Variants in ZNF786 observed in about 807,000 individuals in gnomAD.
The protein encoded by ZNF786 is zinc finger protein 786.
In ZNF786, 56 loss-of-function variants were observed where a neutral mutation model predicts 63.1. That is an observed-to-expected ratio of 0.89 (90% CI 0.72 to 1.11). ZNF786 has a LOEUF of 1.11. Among genes scored for constraint, ZNF786 ranks in the 50% least tolerant of loss-of-function variants. ZNF786 has a pLI of 0.00. For missense variants in ZNF786, 1,213 were observed against 1,041.8 expected, an observed-to-expected ratio of 1.16 and a Z score of -2.26; for synonymous variants, 485 against 406.9, an observed-to-expected ratio of 1.19 and a Z score of -2.31.
At chr7:149,072,564 G>T in intron 3 of ZNF786, 91 bp from the exon 4 acceptor site, 1 of 1,415,124 alleles carries the variant, frequency 7.1e-7, no homozygotes. Context: ...AGTGCCTTGT[G>T]GTGGCCTGGG....
chr7:149,074,451 C>T lies in ZNF786; in HGVS notation c.233G>A (p.Gly78Glu). The change falls in exon 3 of 4, where the codon GGA (glycine) becomes GAA (glutamate). Residue 78 changes from glycine to glutamate, a missense_variant. Transcript: ENST00000491431. ...ATCAACAGAGGAGCAAATTATGTTT[C>T]CTGATTTCTGTGATTCTCTCCATTT... ...FRKWRESQKS[G>E]NIICSSVDMH... 6.2e-7 allele frequency: 1 copy of T among 1,613,906 alleles called. No individual in the cohort carries two copies. Among genetic ancestry groups the T allele is most frequent in the Non-Finnish European group, 8.5e-7 (1 of 1,179,872 alleles).
chr7:149,071,163 A>C lies in ZNF786; in HGVS notation c.1609T>G (p.Phe537Val), dbSNP rs1825405664. 1 of 1,612,376 alleles carries C rather than the reference A, an allele frequency of 6.2e-7. No homozygotes were observed. Among genetic ancestry groups the C allele is most frequent in the Non-Finnish European group, 8.5e-7 (1 of 1,179,334 alleles). ...CGCTTGTCGCACTTCAGGCACTGGA[A>C]GGGCCTCTCCCCGCTGTGCACTCTC... ...HLRVHSGERP[F>V]QCLKCDKRFR... is the part of the protein sequence containing the mutation. Residue 537 changes from phenylalanine (F) to valine (V), a missense_variant, in exon 4 of 4, where the codon TTC becomes GTC. Physicochemically the swap from Phe to Val is conservative, Grantham distance 50. Coordinates refer to ENST00000491431, the MANE Select transcript of ZNF786 (RefSeq NM_152411.4).
Position 149,071,465 on chromosome 7 carries a change from T to C in ZNF786, c.1307A>G (p.Lys436Arg). Residue 436 changes from lysine to arginine, a missense_variant, in exon 4 of 4, where the codon AAG becomes AGG. Coordinates refer to ENST00000491431, the MANE Select transcript of ZNF786 (RefSeq NM_152411.4). ...SCRKCGKGFAKQCKLTEHIRV... is the reference protein window; with the variant it reads ...SCRKCGKGFARQCKLTEHIRV... ...AATGTGCTCCGTGAGTTTACACTGC[T>C]TGGCGAAGCCCTTGCCACACTTCCT... is the stretch of plus-strand genomic sequence containing the variant. 1 of 1,605,178 alleles carries C rather than the reference T, an allele frequency of 6.2e-7. No homozygotes were observed. The highest frequency in any genetic ancestry group is 8.5e-7 in the Non-Finnish European group (1 of 1,176,868).
chr7:149,071,707 T>C lies in ZNF786; in HGVS notation c.1065A>G (p.Glu355=), dbSNP rs1256379768. ...RLPQEGNSHQ[E]GDTEALQHGA... is the part of the protein sequence containing the mutation. ...CATGCTGCAGCGCCTCCGTGTCCCC[T>C]TCCTGGTGGCTGTTCCCCTCCTGGG... The change falls in exon 4 of 4, where the codon GAA becomes GAG. Residue 355 remains glutamate, a synonymous_variant. Coordinates refer to ENST00000491431, the MANE Select transcript of ZNF786 (RefSeq NM_152411.4). 1.2e-5 allele frequency: 19 copies of C among 1,578,422 alleles called. No individual in the cohort carries two copies. Among genetic ancestry groups the C allele is most frequent in the Non-Finnish European group, 1.5e-5 (17 of 1,170,086 alleles).
Position 149,070,270 on chromosome 7 carries a change from T to A in ZNF786, c.*153A>T. On this transcript the variant is annotated 3_prime_UTR_variant, in exon 4 of 4. Coordinates refer to ENST00000491431, the MANE Select transcript of ZNF786 (RefSeq NM_152411.4). ...GTGATGCTTCTGAAGAGAAAATCCT[T>A]TGTGGTTCTTCATATTCCTAACTTG... The A allele has an allele frequency of 1.0e-6, 1 of 969,480 alleles. No individual in the cohort carries two copies. Among genetic ancestry groups the A allele is most frequent in the Non-Finnish European group, 1.5e-6 (1 of 654,682 alleles). The allele number at this position is 969,480 out of a possible 1,614,324, so 60.1% of individuals were successfully genotyped here. A position where few individuals can be genotyped will look rare whatever the true frequency, so the allele number is the denominator to read the frequency against.
In ZNF786 at chr7:149,083,507, G is replaced by A. The variant is rs190887701; in HGVS notation, c.19-2790C>T. Among the ~76,000 whole-genome samples, 46 of 152,226 alleles carry A rather than the reference G, an allele frequency of 3.0e-4. No homozygotes were observed. The East Asian group carries it at 4.2e-3, about 14-fold the overall frequency. The stretch of plus-strand genomic sequence containing the variant: ...TAGGATTACAGGCGTGATCCACCGC[G>A]CCCGGCCAAAGTTTATTTTTATTTA... On this transcript the variant is annotated intron_variant, in intron 1 of 3. Transcript: ENST00000491431.
chr7:149,085,952 A>C (rs1434956635), intron 1 of ZNF786, among the ~76,000 whole-genome samples: 3 of 152,148 alleles, frequency 2.0e-5, no homozygotes, highest in African/African-American at 7.2e-5. Context: ...GACTTTGCTG[A>C]AGTTGTTTTA....
At chr7:149,084,553 A>G (rs115750890) in intron 1 of ZNF786, among the ~76,000 whole-genome samples, 2,061 of 152,214 alleles carry the variant, frequency 0.014, 18 homozygotes, top group African/African-American at 0.023. Context: ...ATGATTAGTG[A>G]TGCTGAGCAT....
rs1445913347 is a variant in ZNF786 at position 149,071,767 on chromosome 7, A to C, written c.1005T>G (p.Ser335Arg). The change falls in exon 4 of 4, where the codon AGT becomes AGG. Residue 335 changes from serine to arginine, a missense_variant. Ser to Arg is a moderately radical substitution (Grantham distance 110). Transcript: ENST00000491431. ...SWREGRGASSSVHSGQKPGSR... is the reference protein window; with the variant it reads ...SWREGRGASSRVHSGQKPGSR... The stretch of plus-strand genomic sequence containing the variant: ...AGCCTGGTTTCTGTCCCGAGTGCAC[A>C]CTGCTGGAGGCCCCGCGGCCTTCTC... 3 of 1,582,596 alleles carry C rather than the reference A, an allele frequency of 1.9e-6. No individual in the cohort carries two copies. The highest frequency in any genetic ancestry group is 2.6e-6 in the Non-Finnish European group (3 of 1,170,022).
At chr7:149,090,443 C>CG (rs1825812058) in intron 1 of ZNF786, among the ~76,000 whole-genome samples, 180 bp downstream of exon 1, 1 of 152,216 alleles carries the variant, frequency 6.6e-6, no homozygotes, top group Admixed American at 6.5e-5. Context: ...GCCGCGGGAG[C>CG]GGAGGCCACC....
chr7:149,077,393 C>T (rs1239339617), intron 2 of ZNF786, among the ~76,000 whole-genome samples: 1 of 152,174 alleles, frequency 6.6e-6, no homozygotes, highest in South Asian at 2.1e-4. Context: ...TTTGGGAGGC[C>T]AAGGCGGGTG....
intron 1 of ZNF786, among the ~76,000 whole-genome samples, chr7:149,087,712 T>G (rs1825759978): frequency 6.6e-6 from 1 of 151,976 alleles, no homozygotes; most frequent in Admixed American, 6.6e-5. Flanking sequence ...CAGATAACCT[T>G]CCTTTCACCA....
rs759364855 is a variant in ZNF786, at chr7:149,071,895, C to A, written c.877G>T (p.Glu293Ter). ...HPSHRLPQQG[E>*]KPAQCTPCGK... ...CATGGGGTGCACTGGGCAGGCTTCT[C>A]CCCCTGCTGCGGGAGGCGGTGGCTG... The change falls in exon 4 of 4, where the codon GAG becomes TAG. Residue 293 changes from glutamate (E) to a stop codon, truncating the protein, a stop_gained. Transcript: ENST00000491431. LOFTEE classifies it high-confidence loss of function. 6.2e-7 allele frequency: 1 copy of A among 1,603,862 alleles called. No homozygotes were observed. The highest frequency in any genetic ancestry group is 8.5e-7 in the Non-Finnish European group (1 of 1,176,630).
chr7:149,086,197 G>A (rs1442598926), intron 1 of ZNF786, among the ~76,000 whole-genome samples: 1 of 152,166 alleles, frequency 6.6e-6, no homozygotes, highest in East Asian at 1.9e-4. Context: ...GTTTAGTATT[G>A]CTGTAAAGGA....
At chr7:149,076,357 C>A (rs182074545) in intron 2 of ZNF786, among the ~76,000 whole-genome samples, 1 of 150,996 alleles carries the variant, frequency 6.6e-6, no homozygotes, top group African/African-American at 2.4e-5. Context: ...TCAGGTGATC[C>A]GGCTGCCTCG....
chr7:149,090,435 C>G (rs1286011777), intron 1 of ZNF786, among the ~76,000 whole-genome samples, 188 bp downstream of exon 1: 1 of 152,244 alleles, frequency 6.6e-6, no homozygotes, highest in Non-Finnish European at 1.5e-5. Context: ...ACGGACAAGC[C>G]GCGGGAGCGG....
chr7:149,089,956 C>G (rs1825804273), intron 1 of ZNF786, among the ~76,000 whole-genome samples: 1 of 152,094 alleles, frequency 6.6e-6, no homozygotes, highest in Admixed American at 6.6e-5. Context: ...CTCACGTGAT[C>G]CACCCGCCTC....
At chr7:149,079,784 T>A (rs1825621023) in intron 2 of ZNF786, among the ~76,000 whole-genome samples, 1 of 148,712 alleles carries the variant, frequency 6.7e-6, no homozygotes, top group Admixed American at 6.7e-5. Flanking sequence ...TTGGCCAGGA[T>A]GTTCTTGATC....
At chr7:149,074,831 A>G (rs6956517) in intron 2 of ZNF786, among the ~76,000 whole-genome samples, 9 of 151,142 alleles carry the variant, frequency 6.0e-5, no homozygotes, top group Non-Finnish European at 1.2e-4. Flanking sequence ...ATATATATAT[A>G]TTTTTAAAAT....
Sources: allele counts gnomAD v4.1 joint callset (sites outside exome capture counted in the v4.1 genomes callset), GRCh38; gene constraint gnomAD v4.1.1; transcripts MANE v1.5; gene names NCBI Gene and HGNC (gene_info 2026-07-23, HGNC 2026-07-21).